The following HIPK2 variants were observed in gnomAD, a reference collection of about 807,000 sequenced individuals.
The protein encoded by HIPK2 is homeodomain-interacting protein kinase 2.
A neutral mutation model predicts 113.7 loss-of-function variants in HIPK2; 27 were observed. That is an observed-to-expected ratio of 0.24 (90% confidence interval 0.17 to 0.33). The LOEUF is 0.33. Ranked by LOEUF, HIPK2 falls within the 10% of genes least tolerant of loss-of-function variation. HIPK2 has a pLI of 1.00. For synonymous variants in HIPK2, 631 were observed against 642.2 expected (o/e 0.98, Z 0.26); for missense variants, 1,257 against 1,588.0 (o/e 0.79, Z 3.54).
intron 2 of HIPK2, among the ~76,000 whole-genome samples, chr7:139,703,375 A>C (rs1227491272): frequency 6.6e-6 from 1 of 152,050 alleles, no homozygotes; most frequent in Non-Finnish European, 1.5e-5. Context: ...ATCTATTTAT[A>C]TTCTGGGGGT....
intron 1 of HIPK2, among the ~76,000 whole-genome samples, chr7:139,759,782 TAAG>T (rs753071033): frequency 6.6e-6 from 1 of 152,124 alleles, no homozygotes; most frequent in Non-Finnish European, 1.5e-5. Flanking sequence ...AGCGAGATAC[TAAG>T]AAAAATGGTT....
chr7:139,567,134 G>A lies in HIPK2; in HGVS notation c.*5793C>T, dbSNP rs537787391. 1 of 152,158 alleles carries A rather than the reference G, an allele frequency of 6.6e-6. No individual in the cohort carries two copies. Among genetic ancestry groups the A allele is most frequent in the Non-Finnish European group, 1.5e-5 (1 of 68,030 alleles). 9.4% of individuals were successfully genotyped at this position (152,158 alleles called of 1,614,324 possible). A position where few individuals can be genotyped will look rare whatever the true frequency, so the allele number is the denominator to read the frequency against. Reference sequence around the variant, plus strand: ...TTCTCTAGTGGCCTGAGATTTTACTGAGTCTGGTCTGTGGAGATGAGAAGT... The same window carrying A: ...TTCTCTAGTGGCCTGAGATTTTACTAAGTCTGGTCTGTGGAGATGAGAAGT... On this transcript the variant is annotated 3_prime_UTR_variant, in exon 15 of 15. Transcript: ENST00000406875.
chr7:139,639,049 C>T (rs931776765), intron 2 of HIPK2, among the ~76,000 whole-genome samples: 11 of 152,174 alleles, frequency 7.2e-5, no homozygotes, highest in South Asian at 6.2e-4. Context: ...TGTCCTTGAT[C>T]CTCAGCCTGG....
intron 1 of HIPK2, among the ~76,000 whole-genome samples, chr7:139,762,426 T>C (rs758097394): frequency 2.6e-5 from 4 of 152,144 alleles, no homozygotes; most frequent in Non-Finnish European, 4.4e-5. Flanking sequence ...CCAGCAAAGT[T>C]CCAAAGCTCT....
intron 10 of HIPK2, among the ~76,000 whole-genome samples, chr7:139,601,183 G>A (rs1326997204): frequency 1.3e-5 from 2 of 151,412 alleles, no homozygotes; most frequent in African/African-American, 2.4e-5. Flanking sequence ...GGCAGAGGTT[G>A]CATGAGCCGA....
At chr7:139,764,139 T>C (rs954339930) in intron 1 of HIPK2, among the ~76,000 whole-genome samples, 3 of 152,226 alleles carry the variant, frequency 2.0e-5, no homozygotes, top group African/African-American at 7.2e-5. Flanking sequence ...CTAAGATATA[T>C]GTTTAAACAG....
intron 14 of HIPK2, among the ~76,000 whole-genome samples, chr7:139,574,598 G>C (rs2116473592): frequency 6.6e-6 from 1 of 152,314 alleles, no homozygotes; most frequent in South Asian, 2.1e-4. Flanking sequence ...CGTGAGTCAG[G>C]CCTGATGCCG....
At chr7:139,760,172 T>G (rs1796441400) in intron 1 of HIPK2, among the ~76,000 whole-genome samples, 1 of 152,082 alleles carries the variant, frequency 6.6e-6, no homozygotes, top group South Asian at 2.1e-4. Flanking sequence ...CCAGCTAATT[T>G]TTTTGTATTT....
intron 1 of HIPK2, chr7:139,721,983 A>G: frequency 4.5e-6 from 2 of 448,480 alleles, no homozygotes; most frequent in South Asian, 1.7e-5. Context: ...CCTAGAACTA[A>G]AGCTTTTAAC....
At chr7:139,626,548 G>A (rs1800437591) in intron 6 of HIPK2, 53 bp downstream of exon 6, 3 of 1,559,658 alleles carry the variant, frequency 1.9e-6, no homozygotes, top group African/African-American at 1.4e-5. Context: ...TTTAGTGTCT[G>A]GGCCTTTAAA....
rs944743938 is a variant in HIPK2, at chr7:139,609,306, T to C, written c.2112+3896A>G. Among the ~76,000 whole-genome samples the C allele has an allele frequency of 2.6e-5, 4 of 152,258 alleles. No homozygotes were observed. In the East Asian group the frequency reaches 7.7e-4, roughly 29 times the overall value. On this transcript the variant is annotated intron_variant, in intron 9 of 14. Coordinates refer to ENST00000406875, the MANE Select transcript of HIPK2 (RefSeq NM_022740.5). ...CATATCACTAACATAAGCAGAATGA[T>C]TACCATTTCCACCTGCCATGCACAC...
At chr7:139,773,927 C>A (rs1291102806) in intron 1 of HIPK2, among the ~76,000 whole-genome samples, 1 of 152,194 alleles carries the variant, frequency 6.6e-6, no homozygotes, top group Non-Finnish European at 1.5e-5. Flanking sequence ...TCTGCCCCAG[C>A]AGTTTATTTC....
intron 1 of HIPK2, among the ~76,000 whole-genome samples, chr7:139,728,797 G>GT (rs1312405283): frequency 1.3e-5 from 2 of 152,174 alleles, no homozygotes; most frequent in East Asian, 1.9e-4. Context: ...AGTCTCTTCG[G>GT]TTTTCCCTTC....
intron 2 of HIPK2, among the ~76,000 whole-genome samples, chr7:139,710,548 TG>T (rs1795031450): frequency 6.6e-6 from 1 of 152,256 alleles, no homozygotes; most frequent in African/African-American, 2.4e-5. Context: ...AGTTGGTTTG[TG>T]TTTTCCATCT....
chr7:139,768,057 G>C (rs1796581729), intron 1 of HIPK2, among the ~76,000 whole-genome samples: 1 of 152,224 alleles, frequency 6.6e-6, no homozygotes. Flanking sequence ...ATGTAGACCT[G>C]GAAGGTGGGC....
At chr7:139,625,318 A>C (rs911159717) in intron 6 of HIPK2, among the ~76,000 whole-genome samples, 2 of 152,198 alleles carry the variant, frequency 1.3e-5, no homozygotes, top group African/African-American at 4.8e-5. Flanking sequence ...AATGGCTGCC[A>C]CTGCGTTACT....
chr7:139,691,247 C>T (rs537972946), intron 2 of HIPK2, among the ~76,000 whole-genome samples: 6 of 152,270 alleles, frequency 3.9e-5, no homozygotes, highest in South Asian at 2.1e-4. Flanking sequence ...TCCATAGTTT[C>T]GATTGTGCAA....
intron 1 of HIPK2, among the ~76,000 whole-genome samples, chr7:139,737,089 C>T (rs994415189): frequency 1.3e-5 from 2 of 152,174 alleles, no homozygotes; most frequent in Non-Finnish European, 2.9e-5. Flanking sequence ...AAGCTATCAG[C>T]TCCATTTCCA....
intron 1 of HIPK2, among the ~76,000 whole-genome samples, chr7:139,722,982 G>C (rs1795459507): frequency 6.6e-6 from 1 of 151,902 alleles, no homozygotes; most frequent in Admixed American, 6.6e-5. Flanking sequence ...TCCTGCCTCA[G>C]CTTCCCAAGT....
Sources: allele counts gnomAD v4.1 joint callset (sites outside exome capture counted in the v4.1 genomes callset), GRCh38; gene constraint gnomAD v4.1.1; transcripts MANE v1.5; gene names NCBI Gene and HGNC (gene_info 2026-07-23, HGNC 2026-07-21).